ATP1B3: variants seen among roughly 807,000 people sequenced by gnomAD.
ATP1B3 encodes the protein sodium/potassium-transporting ATPase subunit beta-3.
In ATP1B3, 10 loss-of-function variants were observed where a neutral mutation model predicts 30.2. The ratio of observed to expected loss-of-function variants is 0.33; its 90% confidence interval spans 0.20 to 0.56. The LOEUF (loss-of-function observed/expected upper bound fraction) is 0.56. ATP1B3 is among the 20% of genes least tolerant of loss of function. The pLI is 0.90. For synonymous variants in ATP1B3, 113 were observed against 117.0 expected (o/e 0.97, Z 0.22); for missense variants, 238 against 336.7 (o/e 0.71, Z 2.29).
At chr3:141,883,614 A>G (rs1933775768) in intron 1 of ATP1B3, among the ~76,000 whole-genome samples, 1 of 152,196 alleles carries the variant, frequency 6.6e-6, no homozygotes, top group African/African-American at 2.4e-5. Context: ...CTAGACTATA[A>G]TCTTATTCTT....
chr3:141,883,565 G>A (rs1933774863), intron 1 of ATP1B3, among the ~76,000 whole-genome samples: 2 of 152,088 alleles, frequency 1.3e-5, no homozygotes, highest in Admixed American at 1.3e-4. Flanking sequence ...TTCTATCATA[G>A]CATTTATAAC....
intron 5 of ATP1B3, chr3:141,916,375 G>A (rs774296712): frequency 2.1e-6 from 1 of 470,146 alleles, no homozygotes; most frequent in South Asian, 1.5e-5. Flanking sequence ...TTTCTTAATA[G>A]TTAGTTGGCG....
chr3:141,898,169 A>T (rs1380021576), intron 1 of ATP1B3, among the ~76,000 whole-genome samples: 1 of 152,228 alleles, frequency 6.6e-6, no homozygotes. Flanking sequence ...GTAAACATAG[A>T]TGCAAGTCTT....
chr3:141,910,329 G>A (rs970944622), intron 3 of ATP1B3, among the ~76,000 whole-genome samples: 3 of 151,702 alleles, frequency 2.0e-5, no homozygotes, highest in Non-Finnish European at 2.9e-5. Flanking sequence ...TTTTTCTTAC[G>A]GTGTTTTTCT....
intron 5 of ATP1B3, chr3:141,916,624 T>TA: frequency 1.7e-6 from 2 of 1,151,672 alleles, no homozygotes; most frequent in Middle Eastern, 2.3e-4. Flanking sequence ...TTGTGCTAAA[T>TA]ATTAACATTT....
At chr3:141,911,540 G>T (rs1262441430) in intron 3 of ATP1B3, among the ~76,000 whole-genome samples, 1 of 150,060 alleles carries the variant, frequency 6.7e-6, no homozygotes, top group African/African-American at 2.5e-5. Flanking sequence ...TGTTGCCCAG[G>T]CTGGAGTACA....
At chr3:141,883,428 G>A (rs1933770765) in intron 1 of ATP1B3, among the ~76,000 whole-genome samples, 1 of 152,152 alleles carries the variant, frequency 6.6e-6, no homozygotes, top group Admixed American at 6.5e-5. Flanking sequence ...TGAGGTGGGA[G>A]GATCACCTGA....
chr3:141,876,843 C>T lies in ATP1B3; in HGVS notation c.42C>T (p.Ala14=), dbSNP rs371693282. 11 of 1,586,504 alleles carry T rather than the reference C, an allele frequency of 6.9e-6. No homozygotes were observed. In the East Asian group the frequency reaches 2.2e-4, roughly 31 times the overall value. The change falls in exon 1 of 7, where the codon GCC becomes GCT. Residue 14 remains alanine (A), a synonymous_variant. Transcript: ENST00000286371. ...NEKKSLNQSL[A]EWKLFIYNPT... ...AGAAGTCCCTCAACCAGAGCCTGGC[C>T]GAGTGGAAGCTCTTCATCTACAACC...
At chr3:141,913,519 T>G (rs543792798) in intron 3 of ATP1B3, 133 bp from the exon 4 acceptor site, 1 of 725,846 alleles carries the variant, frequency 1.4e-6, no homozygotes, top group Non-Finnish European at 2.2e-6. Flanking sequence ...TTAACATTCT[T>G]TCCCTAAAGT....
At chr3:141,915,864 T>C (rs1046999695) in intron 4 of ATP1B3, 106 bp from the exon 5 acceptor site, 11 of 725,728 alleles carry the variant, frequency 1.5e-5, no homozygotes, top group Non-Finnish European at 2.5e-5. Context: ...TATACAGACT[T>C]GGTGTTAATC....
intron 1 of ATP1B3, among the ~76,000 whole-genome samples, chr3:141,880,069 A>G (rs1037266591): frequency 6.6e-6 from 1 of 151,932 alleles, no homozygotes; most frequent in Admixed American, 6.6e-5. Flanking sequence ...ATTTTTACAC[A>G]TTTAAGTCTT....
chr3:141,898,227 A>C (rs1934104289), intron 1 of ATP1B3, among the ~76,000 whole-genome samples: 1 of 152,258 alleles, frequency 6.6e-6, no homozygotes, highest in Non-Finnish European at 1.5e-5. Flanking sequence ...CACCAAAAGC[A>C]CAAGCAACCA....
chr3:141,897,660 A>G (rs1181099290), intron 1 of ATP1B3, among the ~76,000 whole-genome samples: 2 of 152,166 alleles, frequency 1.3e-5, no homozygotes, highest in Non-Finnish European at 2.9e-5. Flanking sequence ...ACATACATAT[A>G]TGTGCATACA....
At position 141,913,569 on chromosome 3, in the gene ATP1B3, C is replaced by T. The variant is rs1934405247; in HGVS notation, c.347-83C>T. 5.9e-6 allele frequency: 7 copies of T among 1,190,164 alleles called. No individual in the cohort carries two copies. The African/African-American group carries it at 7.8e-5, about 13-fold the overall frequency. The allele number at this position is 1,190,164 out of a possible 1,614,324, so 73.7% of individuals were successfully genotyped here. A position where few individuals can be genotyped will look rare whatever the true frequency, so the allele number is the denominator to read the frequency against. On this transcript the variant is annotated intron_variant, in intron 3 of 6. Transcript: ENST00000286371. ...CATTGCTGTTTTTGTCTTTGAAGAA[C>T]ATTTTCCAAAGGTTAATATATTCCT...
rs1170450145 is a variant in ATP1B3 at position 141,913,634 on chromosome 3, T to C, written c.347-18T>C. 6.2e-7 allele frequency: 1 copy of C among 1,603,630 alleles called. No individual in the cohort carries two copies. The highest frequency in any genetic ancestry group is 1.1e-5 in the South Asian group (1 of 89,402). On this transcript the variant is annotated intron_variant, in intron 3 of 6. Coordinates refer to ENST00000286371, the MANE Select transcript of ATP1B3 (RefSeq NM_001679.4). ...CCTTTTTTGGCTGATCTAGCACACATATATGTTTCCTTTTTAGCATATACT... is the reference window on the plus strand; with the variant it reads ...CCTTTTTTGGCTGATCTAGCACACACATATGTTTCCTTTTTAGCATATACT...
At chr3:141,883,154 G>C (rs1217341118) in intron 1 of ATP1B3, among the ~76,000 whole-genome samples, 1 of 152,152 alleles carries the variant, frequency 6.6e-6, no homozygotes, top group Non-Finnish European at 1.5e-5. Flanking sequence ...TCAGATGTCA[G>C]CTTTGATAGT....
intron 1 of ATP1B3, among the ~76,000 whole-genome samples, chr3:141,895,089 G>A (rs1445499323): frequency 6.6e-6 from 1 of 151,766 alleles, no homozygotes; most frequent in Non-Finnish European, 1.5e-5. Context: ...CGTGGTGTAT[G>A]TCTGTATGTG....
chr3:141,923,397 C>T (rs925404973), intron 6 of ATP1B3, among the ~76,000 whole-genome samples: 5 of 152,296 alleles, frequency 3.3e-5, no homozygotes, highest in Admixed American at 1.3e-4. Context: ...CCCCTGGCCA[C>T]GTGATGCCTT....
At chr3:141,924,304 A>G (rs1400222207) in intron 6 of ATP1B3, among the ~76,000 whole-genome samples, 1 of 140,554 alleles carries the variant, frequency 7.1e-6, no homozygotes, top group African/African-American at 2.7e-5. Flanking sequence ...AGATTGCACC[A>G]TTGCACTCCA....
Sources: gnomAD v4.1 joint callset for allele counts (sites outside exome capture counted in the v4.1 genomes callset) on GRCh38, gnomAD v4.1.1 for gene constraint, MANE v1.5 for transcripts, NCBI Gene and HGNC (gene_info 2026-07-23, HGNC 2026-07-21) for gene names.